C11orf24: variants seen among roughly 807,000 people sequenced by gnomAD.
C11orf24 encodes uncharacterized protein C11orf24.
A neutral mutation model predicts 7.3 loss-of-function variants in C11orf24; 5 were observed. That is an observed-to-expected ratio of 0.69 (90% CI 0.36 to 1.45). The LOEUF (loss-of-function observed/expected upper bound fraction) is 1.45. C11orf24 is among the 40% of genes most tolerant of loss of function. The probability of loss-of-function intolerance (pLI) is 0.03; values close to 1 mark genes in which losing one functional copy is unlikely to be tolerated. For missense variants in C11orf24, 566 were observed against 590.5 expected, an observed-to-expected ratio of 0.96 and a Z score of 0.43; for synonymous variants, 233 against 235.7, an observed-to-expected ratio of 0.99 and a Z score of 0.11.
At position 68,262,241 on chromosome 11, in the gene C11orf24, G is replaced by C; in HGVS notation, c.754C>G (p.Gln252Glu). 6.2e-7 allele frequency: 1 copy of C among 1,613,080 alleles called. No homozygotes were observed. The highest frequency in any genetic ancestry group is 8.5e-7 in the Non-Finnish European group (1 of 1,179,188). Residue 252 changes from glutamine to glutamate, a missense_variant, in exon 4 of 4, where the codon CAA (glutamine) becomes GAA (glutamate). Gln to Glu is a conservative substitution (Grantham distance 29). Transcript: ENST00000304271. ...AASPVPPMRP[Q>E]AQGPISQVSV... is the part of the protein sequence containing the mutation. ...ACCTGGCTAATGGGACCTTGTGCTTGGGGACGCATAGGGGGTACAGGGCTT... is the reference window on the plus strand; with the variant it reads ...ACCTGGCTAATGGGACCTTGTGCTTCGGGACGCATAGGGGGTACAGGGCTT...
intron 1 of C11orf24, among the ~76,000 whole-genome samples, chr11:68,270,506 C>A (rs1307087127): frequency 6.6e-6 from 1 of 150,884 alleles, no homozygotes; most frequent in African/African-American, 2.4e-5. Flanking sequence ...TAATCCCAGA[C>A]ACTCAGGAGG....
intron 2 of C11orf24, among the ~76,000 whole-genome samples, chr11:68,265,425 C>A (rs983060866): frequency 6.6e-6 from 1 of 152,236 alleles, no homozygotes; most frequent in African/African-American, 2.4e-5. Flanking sequence ...GTGGTCCCCA[C>A]AGCCGGCCCA....
Position 68,262,122 on chromosome 11 carries a change from C to T in C11orf24, c.873G>A (p.Val291=). 4.3e-6 allele frequency: 7 copies of T among 1,613,590 alleles called. No homozygotes were observed. Among genetic ancestry groups the T allele is most frequent in the Non-Finnish European group, 5.9e-6 (7 of 1,179,940 alleles). ...CCCTGGCTTGTGCCTTGGTGGTGGTCACCACTGTGGGGGTGGGGGCGGGCT... is the reference window on the plus strand; with the variant it reads ...CCCTGGCTTGTGCCTTGGTGGTGGTTACCACTGTGGGGGTGGGGGCGGGCT... The part of the protein sequence containing the change: ...TPEPAPTPTV[V]TTTKAQAREP... Residue 291 remains valine, a synonymous_variant, in exon 4 of 4, where the codon GTG becomes GTA. Coordinates refer to ENST00000304271, the MANE Select transcript of C11orf24 (RefSeq NM_022338.4).
At position 68,262,888 on chromosome 11, in the gene C11orf24, C is replaced by T. The variant is rs767276431; in HGVS notation, c.107G>A (p.Gly36Glu). Residue 36 changes from glycine (G) to glutamate (E), a missense_variant, in exon 4 of 4, where the codon GGA (glycine) becomes GAA (glutamate). By Grantham distance (98) the Gly-to-Glu change is moderately conservative. Coordinates refer to ENST00000304271, the MANE Select transcript of C11orf24 (RefSeq NM_022338.4). Reference sequence around the variant, plus strand: ...CACAGATGCATTCCTCTTGACTAATCCCTTCCACATTTTGTTAGGGACAAA... The same window carrying T: ...CACAGATGCATTCCTCTTGACTAATTCCTTCCACATTTTGTTAGGGACAAA... ...RNFVPNKMWK[G>E]LVKRNASVET... The T allele has an allele frequency of 1.9e-6, 3 of 1,613,734 alleles. No homozygotes were observed. Among genetic ancestry groups the T allele is most frequent in the East Asian group, 2.2e-5 (1 of 44,894 alleles).
chr11:68,267,151 G>T (rs539423478), intron 2 of C11orf24: 1 of 152,370 alleles, frequency 6.6e-6, no homozygotes, highest in South Asian at 2.1e-4. Flanking sequence ...ATACAAACAG[G>T]CAGCAGGTGG....
intron 1 of C11orf24, among the ~76,000 whole-genome samples, chr11:68,269,345 GGAGCAAA>G (rs1234253068): frequency 6.6e-6 from 1 of 152,196 alleles, no homozygotes; most frequent in African/African-American, 2.4e-5. Context: ...GAGGAATCCA[GGAGCAAA>G]GCCATAATGC....
At chr11:68,267,095 T>C (rs1169324562) in intron 2 of C11orf24, 1 of 152,232 alleles carries the variant, frequency 6.6e-6, no homozygotes, top group East Asian at 1.9e-4. Context: ...AGCCCTGGAA[T>C]AGAAGTGAAT....
chr11:68,266,436 C>T (rs146157036), intron 2 of C11orf24, among the ~76,000 whole-genome samples: 4 of 152,342 alleles, frequency 2.6e-5, no homozygotes, highest in Admixed American at 6.5e-5. Context: ...GTGTGTTCCA[C>T]GAGACTTCCG....
In C11orf24 at chr11:68,262,255, G is replaced by A. The variant is rs929621761; in HGVS notation, c.740C>T (p.Pro247Leu). 1.9e-6 allele frequency: 3 copies of A among 1,613,190 alleles called. No homozygotes were observed. The highest frequency in any genetic ancestry group is 2.5e-6 in the Non-Finnish European group (3 of 1,179,254). The stretch of plus-strand genomic sequence containing the variant: ...ACCTTGTGCTTGGGGACGCATAGGG[G>A]GTACAGGGCTTGCCGCGGTGTCACT... ...MPSDTAASPVPPMRPQAQGPI... is the reference protein window; with the variant it reads ...MPSDTAASPVLPMRPQAQGPI... The change falls in exon 4 of 4, where the codon CCC (proline) becomes CTC (leucine). Residue 247 changes from proline to leucine, a missense_variant. Physicochemically the swap from Pro to Leu is moderately conservative, Grantham distance 98 (BLOSUM62 -3). Transcript: ENST00000304271.
In C11orf24 at chr11:68,263,829, C is replaced by T; in HGVS notation, c.-62G>A. ...CGAGGCTCCCAGCCAGCCAGCTCCT[C>T]AGGCTGCTAATGGTTCCCTCCTGCT... On this transcript the variant is annotated 5_prime_UTR_variant, in exon 3 of 4. Transcript: ENST00000304271. 6.9e-7 allele frequency: 1 copy of T among 1,440,564 alleles called. No individual in the cohort carries two copies. The highest frequency in any genetic ancestry group is 9.7e-7 in the Non-Finnish European group (1 of 1,034,990). 89.2% of individuals were successfully genotyped at this position (1,440,564 alleles called of 1,614,324 possible).
At position 68,270,451 on chromosome 11, in the gene C11orf24, G is replaced by C. The variant is rs778171800; in HGVS notation, c.-298+1406C>G. On this transcript the variant is annotated intron_variant, in intron 1 of 3. Transcript: ENST00000304271. ...GCTTGTTATATGTGGCGCACTTTAT[G>C]CAAGTTACACAAAACTGGACTCCAG... 9.9e-5 allele frequency among the ~76,000 whole-genome samples: 15 copies of C among 152,030 alleles called. 1 individual carries two copies. The highest frequency in any genetic ancestry group is 2.2e-4 in the Non-Finnish European group (15 of 68,024).
At position 68,262,515 on chromosome 11, in the gene C11orf24, A is replaced by AGTGCTGGAGGCCGCAGTC. The variant is rs2098562392; in HGVS notation, c.462_479dup (p.Thr155_Thr160dup). 1.2e-6 allele frequency: 2 copies of AGTGCTGGAGGCCGCAGTC among 1,613,626 alleles called. No homozygotes were observed. The highest frequency in any genetic ancestry group is 1.7e-6 in the Non-Finnish European group (2 of 1,179,884). ...GCGCGGGGAGTGCAAGTGTCATGGG[A>AGTGCTGGAGGCCGCAGTC]GTGCTGGAGGCCGCAGTCATACTGG... On this transcript the variant is annotated inframe_insertion, in exon 4 of 4. Coordinates refer to ENST00000304271, the MANE Select transcript of C11orf24 (RefSeq NM_022338.4).
rs748885574 is a variant in C11orf24, at chr11:68,261,706, T to C, written c.1289A>G (p.Lys430Arg). Residue 430 changes from lysine to arginine, a missense_variant, in exon 4 of 4, where the codon AAG becomes AGG. Lys to Arg is a conservative substitution (Grantham distance 26, BLOSUM62 2). Coordinates refer to ENST00000304271, the MANE Select transcript of C11orf24 (RefSeq NM_022338.4). The part of the protein sequence containing the change: ...FALQAYESYK[K>R]KDYTQVDYLI... ...GTAGTCCACCTGGGTGTAGTCCTTC[T>C]TCTTGTAGCTCTCATAGGCCTGCAG... is the stretch of plus-strand genomic sequence containing the variant. 2.5e-6 allele frequency: 4 copies of C among 1,614,190 alleles called. No individual in the cohort carries two copies. The highest frequency in any genetic ancestry group is 1.7e-6 in the Non-Finnish European group (2 of 1,180,006).
intron 3 of C11orf24, 117 bp downstream of exon 3, chr11:68,263,575 G>T: frequency 1.1e-6 from 1 of 914,368 alleles, no homozygotes; most frequent in Non-Finnish European, 1.7e-6. Flanking sequence ...TGCGGCACCT[G>T]GGAGGGCTGC....
At chr11:68,267,045 G>C (rs1484498711) in intron 2 of C11orf24, 1 of 152,302 alleles carries the variant, frequency 6.6e-6, no homozygotes, top group African/African-American at 2.4e-5. Flanking sequence ...CATTTGGTCT[G>C]TGTCTTAGCT....
intron 1 of C11orf24, among the ~76,000 whole-genome samples, chr11:68,268,590 G>C (rs1211809042): frequency 6.6e-6 from 1 of 152,204 alleles, no homozygotes; most frequent in Non-Finnish European, 1.5e-5. Context: ...GACTTGGGAG[G>C]CTGAGGCAGG....
chr11:68,261,668 T>A lies in C11orf24; in HGVS notation c.1327A>T (p.Met443Leu), dbSNP rs764430395. 3 of 1,610,766 alleles carry A rather than the reference T, an allele frequency of 1.9e-6. No homozygotes were observed. The highest frequency in any genetic ancestry group is 1.7e-5 in the Admixed American group (1 of 59,986). ...CCTCACATTTCTGAGTCCGCATACA[T>A]CCCGTTGATTAAGTAGTCCACCTGG... is the stretch of plus-strand genomic sequence containing the variant. ...YTQVDYLING[M>L]YADSEM Residue 443 changes from methionine to leucine, a missense_variant, in exon 4 of 4, where the codon ATG becomes TTG. Physicochemically the swap from Met to Leu is conservative, Grantham distance 15. Transcript: ENST00000304271.
chr11:68,261,984 C>A lies in C11orf24; in HGVS notation c.1011G>T (p.Gly337=), dbSNP rs200077221. The A allele has an allele frequency of 1.2e-6, 2 of 1,613,854 alleles. No individual in the cohort carries two copies. The highest frequency in any genetic ancestry group is 1.7e-6 in the Non-Finnish European group (2 of 1,180,038). ...GCTCCGGTGCCTGGGATGTGCCTGG[C>A]CCAGCGGCCCTCTGGGTATATGGCA... is the stretch of plus-strand genomic sequence containing the variant. ...SPMPYTQRAA[G]PGTSQAPEQV... Residue 337 remains glycine (G), a synonymous_variant, in exon 4 of 4, where the codon GGG becomes GGT. Coordinates refer to ENST00000304271, the MANE Select transcript of C11orf24 (RefSeq NM_022338.4).
intron 2 of C11orf24, among the ~76,000 whole-genome samples, chr11:68,264,619 C>CATCA (rs1454671138): frequency 1.8e-5 from 2 of 109,006 alleles, no homozygotes; most frequent in Non-Finnish European, 3.9e-5. Context: ...TCCATCCATC[C>CATCA]ATCCACCCAT....
Sources: allele counts gnomAD v4.1 joint callset (sites outside exome capture counted in the v4.1 genomes callset), GRCh38; gene constraint gnomAD v4.1.1; transcripts MANE v1.5; gene names NCBI Gene and HGNC (gene_info 2026-07-23, HGNC 2026-07-21).